Variants in DOCK8 observed in about 807,000 individuals in gnomAD.
DOCK8 encodes the protein dedicator of cytokinesis 8, also known as dedicator of cytokinesis protein 8.
DOCK8 carries 141 observed loss-of-function variants against 245.6 expected under a neutral mutation model. That is an observed-to-expected ratio of 0.57 (90% confidence interval 0.50 to 0.66). The LOEUF (loss-of-function observed/expected upper bound fraction) is 0.66. Among genes scored for constraint, DOCK8 ranks in the 30% least tolerant of loss-of-function variants. The pLI is 0.00. For synonymous variants in DOCK8, 1,168 were observed against 970.2 expected (o/e 1.20, Z -3.79); for missense variants, 2,965 against 2,603.4 (o/e 1.14, Z -3.02).
chr9:428,756 G>A lies in DOCK8; in HGVS notation c.4473+260G>A, dbSNP rs189678352. ...AAATGGCCATTCGCTGAAGGTCTAT[G>A]ACATGAGAACAGAGATCAACTGAGT... On this transcript the variant is annotated intron_variant, in intron 35 of 47. Transcript: ENST00000432829. Among the ~76,000 whole-genome samples, 5 of 152,276 alleles carry A rather than the reference G, an allele frequency of 3.3e-5. No individual in the cohort carries two copies. In the East Asian group the frequency reaches 7.7e-4, roughly 24 times the overall value.
At chr9:223,114 G>C (rs1322230074) in intron 1 of DOCK8, among the ~76,000 whole-genome samples, 1 of 152,038 alleles carries the variant, frequency 6.6e-6, no homozygotes, top group Admixed American at 6.6e-5. Flanking sequence ...ACTCTGCTCA[G>C]AAACCTCAAA....
chr9:435,106 G>T (rs2056854205), intron 39 of DOCK8, 131 bp downstream of exon 39: 1 of 1,038,736 alleles, frequency 9.6e-7, no homozygotes, highest in African/African-American at 1.6e-5. Flanking sequence ...GTGAGTAGGT[G>T]CTACTGGCAT....
At chr9:455,150 C>G (rs2057595655) in intron 46 of DOCK8, among the ~76,000 whole-genome samples, 1 of 152,222 alleles carries the variant, frequency 6.6e-6, no homozygotes, top group African/African-American at 2.4e-5. Flanking sequence ...AGGAGACTGT[C>G]CATGCTTCCC....
At chr9:254,779 A>G (rs11787557) in intron 1 of DOCK8, among the ~76,000 whole-genome samples, 21,074 of 152,130 alleles carry the variant, frequency 0.14, 2,071 homozygotes, top group African/African-American at 0.28. Context: ...CAGGTTTCTC[A>G]GTCGGGTTTT....
chr9:286,612 T>G lies in DOCK8; in HGVS notation c.308T>G (p.Leu103Trp), dbSNP rs746110807. 5.0e-6 allele frequency: 8 copies of G among 1,613,866 alleles called. No homozygotes were observed. In the East Asian group the frequency reaches 1.1e-4, roughly 22 times the overall value. ...TTCACGCCAAAGGAATGTAGGACTT[T>G]GCAGCCCTCTTTGCCGGAGGAAGGG... ...VVFTPKECRTLQPSLPEEGVE... is the reference protein window; with the variant it reads ...VVFTPKECRTWQPSLPEEGVE... Residue 103 changes from leucine to tryptophan, a missense_variant, in exon 3 of 48, where the codon TTG becomes TGG. By Grantham distance (61) the Leu-to-Trp change is moderately conservative. Around this residue, in one of 3 missense-constraint regions of DOCK8, gnomAD observed 2,825 missense variants for 2,453.5 expected, o/e 1.15. Transcript: ENST00000432829.
chr9:231,796 G>A (rs2047123850), intron 1 of DOCK8, among the ~76,000 whole-genome samples: 1 of 152,130 alleles, frequency 6.6e-6, no homozygotes, highest in Non-Finnish European at 1.5e-5. Context: ...AGGAGATTTT[G>A]GGCTGAGACA....
At chr9:409,814 C>A (rs13295042) in intron 28 of DOCK8, among the ~76,000 whole-genome samples, 1 of 151,530 alleles carries the variant, frequency 6.6e-6, no homozygotes, top group Admixed American at 6.6e-5. Context: ...TCTGTCCTTG[C>A]GATAGTTTGC....
chr9:390,816 T>C (rs1012289116), intron 24 of DOCK8, among the ~76,000 whole-genome samples: 1 of 152,180 alleles, frequency 6.6e-6, no homozygotes, highest in African/African-American at 2.4e-5. Context: ...CCATCATCTC[T>C]CATGTGCCTC....
chr9:311,861 C>G, intron 5 of DOCK8, 93 bp from the exon 6 acceptor site: 2 of 1,503,516 alleles, frequency 1.3e-6, no homozygotes. Context: ...TCTGTAGTCC[C>G]AAATTGGAGC....
chr9:219,162 C>T (rs113685351), intron 1 of DOCK8, among the ~76,000 whole-genome samples: 3 of 152,190 alleles, frequency 2.0e-5, no homozygotes, highest in African/African-American at 4.8e-5. Flanking sequence ...ACCTTCATTT[C>T]GTCCTTTCAG....
chr9:283,664 G>GT (rs1370733761), intron 2 of DOCK8, among the ~76,000 whole-genome samples: 2 of 152,100 alleles, frequency 1.3e-5, no homozygotes, highest in African/African-American at 4.8e-5. Context: ...CTGTTTCTGA[G>GT]TTTTTTCACT....
At chr9:301,059 A>G (rs1167425797) in intron 4 of DOCK8, among the ~76,000 whole-genome samples, 1 of 152,240 alleles carries the variant, frequency 6.6e-6, no homozygotes, top group African/African-American at 2.4e-5. Flanking sequence ...CTTCAGGCCA[A>G]TATCCCTGAT....
intron 26 of DOCK8, among the ~76,000 whole-genome samples, chr9:403,864 C>CTG (rs778992128): frequency 0.18 from 13,980 of 76,950 alleles, 1,162 homozygotes; most frequent in East Asian, 0.3. Context: ...CTGTATCTCT[C>CTG]TCTCTCTCTC....
intron 18 of DOCK8, among the ~76,000 whole-genome samples, chr9:373,024 G>A (rs536652695): frequency 2.0e-5 from 3 of 152,194 alleles, no homozygotes; most frequent in Non-Finnish European, 4.4e-5. Context: ...AAAATTAGCC[G>A]GGCGTGGTGG....
Position 346,672 on chromosome 9 carries a change from A to G in DOCK8, c.1679+6351A>G, listed in dbSNP as rs143242008. On this transcript the variant is annotated intron_variant, in intron 14 of 47. Transcript: ENST00000432829. Reference sequence around the variant, plus strand: ...ATTAGCTGTTTTCAGGACTCCTCCTATTCAGCTGAATGTTCTCAGACCAGA... The same window carrying G: ...ATTAGCTGTTTTCAGGACTCCTCCTGTTCAGCTGAATGTTCTCAGACCAGA... Among the ~76,000 whole-genome samples the G allele has an allele frequency of 5.3e-5, 8 of 152,244 alleles. No homozygotes were observed. The East Asian group carries it at 1.4e-3, about 26-fold the overall frequency.
intron 1 of DOCK8, among the ~76,000 whole-genome samples, chr9:270,627 C>T (rs1424794110): frequency 1.3e-5 from 2 of 152,200 alleles, no homozygotes; most frequent in Non-Finnish European, 2.9e-5. Context: ...ACAGAGAAAA[C>T]ATAATACGCT....
At chr9:300,227 C>A (rs2049471991) in intron 4 of DOCK8, among the ~76,000 whole-genome samples, 1 of 152,200 alleles carries the variant, frequency 6.6e-6, no homozygotes, top group African/African-American at 2.4e-5. Context: ...TTAATTCAGT[C>A]AACTAAAATT....
intron 28 of DOCK8, among the ~76,000 whole-genome samples, chr9:414,006 G>A (rs1272246716): frequency 6.6e-6 from 1 of 152,160 alleles, no homozygotes; most frequent in Non-Finnish European, 1.5e-5. Context: ...GCCAGGTGTG[G>A]TGGCAGGTGC....
At chr9:246,357 A>G (rs785830) in intron 1 of DOCK8, among the ~76,000 whole-genome samples, 78,407 of 151,866 alleles carry the variant, frequency 0.52, 20,597 homozygotes, top group East Asian at 0.8. Flanking sequence ...CATCTCTACA[A>G]AAAAATTAAA....
Sources: gnomAD v4.1 joint callset for allele counts (sites outside exome capture counted in the v4.1 genomes callset) on GRCh38, gnomAD v4.1.1 for gene constraint, gnomAD v4.1.1 regional missense constraint, MANE v1.5 for transcripts, NCBI Gene and HGNC (gene_info 2026-07-23, HGNC 2026-07-21) for gene names.